Variants in GSTCD observed in about 807,000 individuals in gnomAD.
GSTCD encodes the protein glutathione S-transferase C-terminal domain-containing protein.
A neutral mutation model predicts 68.3 loss-of-function variants in GSTCD; 44 were observed. The ratio of observed to expected loss-of-function variants is 0.64; its 90% CI spans 0.51 to 0.83. The LOEUF (loss-of-function observed/expected upper bound fraction) is 0.83. GSTCD is among the 40% of genes least tolerant of loss of function. GSTCD has a pLI of 0.00. For missense variants in GSTCD, 739 were observed against 735.9 expected, an observed-to-expected ratio of 1.00 and a Z score of -0.05; for synonymous variants, 273 against 255.2, an observed-to-expected ratio of 1.07 and a Z score of -0.67.
chr4:105,722,288 G>A (rs6820200), intron 3 of GSTCD, among the ~76,000 whole-genome samples: 57,282 of 151,856 alleles, frequency 0.38, 15,635 homozygotes, highest in African/African-American at 0.77. Flanking sequence ...TCGGCATAAA[G>A]TTGGGAACCT....
chr4:105,765,597 G>A (rs1379630435), intron 5 of GSTCD, among the ~76,000 whole-genome samples: 2 of 152,218 alleles, frequency 1.3e-5, no homozygotes, highest in Admixed American at 6.5e-5. Flanking sequence ...TATTCAACAA[G>A]TATCTGAATG....
At chr4:105,777,070 G>A (rs530553517) in intron 5 of GSTCD, among the ~76,000 whole-genome samples, 30 of 152,236 alleles carry the variant, frequency 2.0e-4, no homozygotes, top group Middle Eastern at 3.4e-3. Context: ...AGAATAAAAT[G>A]TTAATAACTT....
rs547432087 is a variant in GSTCD at position 105,772,796 on chromosome 4, A to G, written c.1240+43297A>G. On this transcript the variant is annotated intron_variant, in intron 5 of 11. Coordinates refer to ENST00000515279, the MANE Select transcript of GSTCD (RefSeq NM_001370181.1). ...GAGGATTTTTGCTTCAAAGTTCATCATGGATATTAGCCTGAAGTTTTCTTT... is the reference window on the plus strand; with the variant it reads ...GAGGATTTTTGCTTCAAAGTTCATCGTGGATATTAGCCTGAAGTTTTCTTT... Among the ~76,000 whole-genome samples, 6 of 152,330 alleles carry G rather than the reference A, an allele frequency of 3.9e-5. No homozygotes were observed. The South Asian group carries it at 1.0e-3, about 26-fold the overall frequency.
At chr4:105,766,203 G>A (rs1191083520) in intron 5 of GSTCD, among the ~76,000 whole-genome samples, 1 of 152,214 alleles carries the variant, frequency 6.6e-6, no homozygotes, top group Non-Finnish European at 1.5e-5. Flanking sequence ...CTGCTGGCTG[G>A]AGGCAGTGTT....
intron 4 of GSTCD, among the ~76,000 whole-genome samples, chr4:105,727,088 C>CTTTTTTTTT (rs5860809): frequency 7.2e-6 from 1 of 138,084 alleles, no homozygotes; most frequent in Non-Finnish European, 1.6e-5. Flanking sequence ...TTTCTCAAAA[C>CTTTTTTTTT]TTTTTTTTTT....
At chr4:105,800,441 C>A (rs960200972) in intron 5 of GSTCD, among the ~76,000 whole-genome samples, 2 of 152,106 alleles carry the variant, frequency 1.3e-5, no homozygotes, top group Non-Finnish European at 2.9e-5. Context: ...ATATCAATAC[C>A]ATTTAGGCAG....
chr4:105,781,199 T>C (rs1735259300), intron 5 of GSTCD, among the ~76,000 whole-genome samples: 1 of 152,332 alleles, frequency 6.6e-6, no homozygotes, highest in South Asian at 2.1e-4. Context: ...TTTAGTATTT[T>C]ATTTCATCAT....
chr4:105,735,928 C>A (rs1733447309), intron 5 of GSTCD, among the ~76,000 whole-genome samples: 1 of 152,078 alleles, frequency 6.6e-6, no homozygotes, highest in South Asian at 2.1e-4. Context: ...ATGCCATTAT[C>A]ATACCTAATA....
intron 5 of GSTCD, among the ~76,000 whole-genome samples, chr4:105,756,294 C>G (rs1031462808): frequency 1.3e-5 from 2 of 151,940 alleles, no homozygotes; most frequent in African/African-American, 2.4e-5. Context: ...ATTTCCATCC[C>G]CTCTCCCCTC....
intron 5 of GSTCD, among the ~76,000 whole-genome samples, chr4:105,762,936 A>T (rs1458263555): frequency 2.0e-5 from 3 of 152,190 alleles, no homozygotes; most frequent in African/African-American, 7.2e-5. Context: ...TATCTCACTT[A>T]AAAAATATAT....
rs531341408 is a variant in GSTCD at position 105,791,697 on chromosome 4, C to T, written c.1241-31257C>T. On this transcript the variant is annotated intron_variant, in intron 5 of 11. Transcript: ENST00000515279. ...ACACCATGAGAACAGACACTTTTTC[C>T]ATCTCATTCACTACTGGATTCCCAG... is the stretch of plus-strand genomic sequence containing the variant. 5.3e-5 allele frequency among the ~76,000 whole-genome samples: 8 copies of T among 152,088 alleles called. No homozygotes were observed. The East Asian group carries it at 9.7e-4, about 18-fold the overall frequency.
At chr4:105,734,298 A>G (rs1733375531) in intron 5 of GSTCD, among the ~76,000 whole-genome samples, 1 of 152,052 alleles carries the variant, frequency 6.6e-6, no homozygotes, top group African/African-American at 2.4e-5. Context: ...ACTTGGTTCC[A>G]TTCTCCCCGT....
At chr4:105,804,061 T>C (rs1736236917) in intron 5 of GSTCD, among the ~76,000 whole-genome samples, 1 of 152,038 alleles carries the variant, frequency 6.6e-6, no homozygotes, top group Admixed American at 6.6e-5. Flanking sequence ...ATAACTCATG[T>C]AGTTTAAAAT....
chr4:105,827,694 C>T (rs753899224), intron 8 of GSTCD, among the ~76,000 whole-genome samples: 1 of 151,960 alleles, frequency 6.6e-6, no homozygotes, highest in Non-Finnish European at 1.5e-5. Flanking sequence ...GCAGAATAAC[C>T]AGATATTGGA....
At chr4:105,834,686 T>G in intron 9 of GSTCD, 92 bp downstream of exon 9, 1 of 1,136,886 alleles carries the variant, frequency 8.8e-7, no homozygotes, top group Non-Finnish European at 1.2e-6. Flanking sequence ...GACTTAATTT[T>G]TGGCTCATTT....
In GSTCD at chr4:105,717,979, A is replaced by G; in HGVS notation, c.366A>G (p.Leu122=). ...AGAAATCCTATGAAGCAGACCCCTT[A>G]AAGAAGGAACTTTTGGAACTTCTGG... ...IIQKSYEADP[L]KKELLELLGF... Residue 122 remains leucine, a synonymous_variant, in exon 2 of 12, where the codon TTA becomes TTG. Coordinates refer to ENST00000515279, the MANE Select transcript of GSTCD (RefSeq NM_001370181.1). 1 of 1,613,306 alleles carries G rather than the reference A, an allele frequency of 6.2e-7. No individual in the cohort carries two copies. Among genetic ancestry groups the G allele is most frequent in the Non-Finnish European group, 8.5e-7 (1 of 1,179,746 alleles).
intron 5 of GSTCD, among the ~76,000 whole-genome samples, chr4:105,755,136 T>TA (rs1481410445): frequency 7.0e-6 from 1 of 143,766 alleles, no homozygotes; most frequent in African/African-American, 2.6e-5. Flanking sequence ...TAGTTCCTGC[T>TA]ACTAGGGAGG....
rs145258178 is a variant in GSTCD, at chr4:105,814,474, G to T, written c.1241-8480G>T. Among the ~76,000 whole-genome samples, 1,464 of 152,110 alleles carry T rather than the reference G, an allele frequency of 9.6e-3. 7 individuals are homozygous for T. Among genetic ancestry groups the T allele is most frequent in the Non-Finnish European group, 0.016 (1,066 of 67,968 alleles). ...CTAAAAATACAAAAATAACCTGGGC[G>T]TGATGGTGTGCACCTGTAATCCCAG... On this transcript the variant is annotated intron_variant, in intron 5 of 11. Transcript: ENST00000515279.
chr4:105,847,330 G>A lies in GSTCD; in HGVS notation c.*1753G>A, dbSNP rs539474003. The A allele has an allele frequency of 2.0e-5, 3 of 152,156 alleles. No individual in the cohort carries two copies. The highest frequency in any genetic ancestry group is 2.1e-4 in the South Asian group (1 of 4,816). 9.4% of individuals were successfully genotyped at this position (152,156 alleles called of 1,614,324 possible). On this transcript the variant is annotated 3_prime_UTR_variant, in exon 12 of 12. Transcript: ENST00000515279. ...GGGGTGGGAGACATATTGGAATCGT[G>A]TTTTCTGGGATAAAATTTTTAAAAA...
Sources: gnomAD v4.1 joint callset for allele counts (sites outside exome capture counted in the v4.1 genomes callset) on GRCh38, gnomAD v4.1.1 for gene constraint, MANE v1.5 for transcripts, NCBI Gene and HGNC (gene_info 2026-07-23, HGNC 2026-07-21) for gene names.